The following KIF6 variants were observed in gnomAD, a reference collection of about 807,000 sequenced individuals.
KIF6 encodes kinesin-like protein KIF6.
Under a neutral mutation model 112.7 loss-of-function variants are expected in KIF6, and 106 were observed. The ratio of observed to expected loss-of-function variants is 0.94; its 90% CI spans 0.80 to 1.11. The LOEUF (loss-of-function observed/expected upper bound fraction) is 1.11, where lower values mean the gene tolerates loss of function less well. Among genes scored for constraint, KIF6 ranks in the 50% least tolerant of loss-of-function variants. The pLI is 0.00. For missense variants in KIF6, 929 were observed against 964.0 expected, an observed-to-expected ratio of 0.96 and a Z score of 0.48; for synonymous variants, 339 against 339.9, an observed-to-expected ratio of 1.00 and a Z score of 0.03.
intron 3 of KIF6, among the ~76,000 whole-genome samples, chr6:39,693,532 T>C (rs2113810875): frequency 1.3e-5 from 2 of 152,282 alleles, no homozygotes; most frequent in East Asian, 1.9e-4. Context: ...GGGACTACTA[T>C]GAACATCTCT....
chr6:39,428,748 T>C (rs1313764587), intron 14 of KIF6, among the ~76,000 whole-genome samples: 1 of 152,242 alleles, frequency 6.6e-6, no homozygotes, highest in African/African-American at 2.4e-5. Context: ...TTGTAATTTA[T>C]CTGAATGATG....
In KIF6 at chr6:39,714,769, G is replaced by A. The variant is rs780895767; in HGVS notation, c.177-3C>T. 7 of 1,596,102 alleles carry A rather than the reference G, an allele frequency of 4.4e-6. No individual in the cohort carries two copies. The African/African-American group carries it at 9.4e-5, about 21-fold the overall frequency. ...CCTGATCAAAAATTCTTTGAAATCT[G>A]CAATGTGAAAAATAGTAATTATTTA... On this transcript the variant is annotated splice_region_variant and splice_polypyrimidine_tract_variant and intron_variant, in intron 2 of 22. Transcript: ENST00000287152.
intron 19 of KIF6, among the ~76,000 whole-genome samples, chr6:39,349,264 G>A (rs1764026799): frequency 1.3e-5 from 2 of 152,166 alleles, no homozygotes; most frequent in Non-Finnish European, 2.9e-5. Context: ...ATTCTGATGG[G>A]TGGCACAGCA....
intron 11 of KIF6, 55 bp from the exon 12 acceptor site, chr6:39,544,748 T>C: frequency 9.1e-7 from 1 of 1,102,734 alleles, no homozygotes; most frequent in Non-Finnish European, 1.3e-6. Flanking sequence ...ATTTCTTTGT[T>C]TCTTTGACTC....
At chr6:39,643,858 A>T (rs532082460) in intron 3 of KIF6, among the ~76,000 whole-genome samples, 26 of 152,298 alleles carry the variant, frequency 1.7e-4, no homozygotes, top group South Asian at 1.0e-3. Flanking sequence ...GTTTCAAAAG[A>T]CACAATCAAG....
chr6:39,557,738 A>C lies in KIF6; in HGVS notation c.1182-12050T>G, dbSNP rs978311889. Among the ~76,000 whole-genome samples, 59 of 152,200 alleles carry C rather than the reference A, an allele frequency of 3.9e-4. No individual in the cohort carries two copies. The Middle Eastern group carries it at 0.01, about 26-fold the overall frequency. On this transcript the variant is annotated intron_variant, in intron 10 of 22. Coordinates refer to ENST00000287152, the MANE Select transcript of KIF6 (RefSeq NM_145027.6). The stretch of plus-strand genomic sequence containing the variant: ...ATGAACTTTTGTATAGAAAGCCCAT[A>C]GAACCTCTGTTGGAGATGTACACAT...
chr6:39,472,219 C>T (rs1007416402), intron 13 of KIF6, among the ~76,000 whole-genome samples: 1 of 152,192 alleles, frequency 6.6e-6, no homozygotes, highest in African/African-American at 2.4e-5. Flanking sequence ...ACCACCTTAT[C>T]TTCTTTGATA....
intron 15 of KIF6, among the ~76,000 whole-genome samples, chr6:39,410,426 C>G (rs547882603): frequency 3.1e-4 from 47 of 152,290 alleles, no homozygotes; most frequent in African/African-American, 1.1e-3. Context: ...AGAGCCTCAG[C>G]TTACATACCA....
intron 13 of KIF6, among the ~76,000 whole-genome samples, chr6:39,508,411 G>A (rs938748096): frequency 5.3e-5 from 8 of 152,268 alleles, no homozygotes; most frequent in South Asian, 2.1e-4. Flanking sequence ...GCAGGGCGTC[G>A]CCTCACCTGG....
chr6:39,357,668 C>T (rs547484251), intron 18 of KIF6, among the ~76,000 whole-genome samples: 4 of 152,154 alleles, frequency 2.6e-5, no homozygotes, highest in Admixed American at 6.5e-5. Flanking sequence ...AGGCTGGTCT[C>T]GAACTCCTGA....
chr6:39,384,396 T>C (rs1767227976), intron 16 of KIF6, among the ~76,000 whole-genome samples: 2 of 152,162 alleles, frequency 1.3e-5, no homozygotes, highest in Admixed American at 6.5e-5. Context: ...GCAGCCTGGC[T>C]CTTTGTTGAA....
intron 10 of KIF6, among the ~76,000 whole-genome samples, chr6:39,557,235 A>G (rs1779753743): frequency 6.6e-6 from 1 of 152,296 alleles, no homozygotes; most frequent in Admixed American, 6.5e-5. Context: ...ATCCTTTCAT[A>G]TGGAAAACAG....
chr6:39,497,389 G>A (rs929645255), intron 13 of KIF6, among the ~76,000 whole-genome samples: 1 of 152,218 alleles, frequency 6.6e-6, no homozygotes, highest in African/African-American at 2.4e-5. Context: ...CAAGTCTGGG[G>A]AAGGCCGTAA....
At chr6:39,694,229 G>A (rs762427886) in intron 3 of KIF6, among the ~76,000 whole-genome samples, 3 of 151,896 alleles carry the variant, frequency 2.0e-5, no homozygotes, top group Non-Finnish European at 4.4e-5. Flanking sequence ...ATGGGCAAAA[G>A]GTGGAAGCAT....
chr6:39,393,940 G>A (rs935593417), intron 15 of KIF6, among the ~76,000 whole-genome samples: 8 of 152,146 alleles, frequency 5.3e-5, no homozygotes, highest in Non-Finnish European at 7.4e-5. Context: ...AAAAGAATGG[G>A]GTATAAATGA....
At chr6:39,672,902 TC>T (rs1403133911) in intron 3 of KIF6, among the ~76,000 whole-genome samples, 2 of 152,116 alleles carry the variant, frequency 1.3e-5, no homozygotes, top group African/African-American at 4.8e-5. Flanking sequence ...CAAAATTCAG[TC>T]CATAGCAAGT....
chr6:39,703,080 CCA>C lies in KIF6; in HGVS notation c.251+11610_251+11611del, dbSNP rs1491113955. On this transcript the variant is annotated intron_variant, in intron 3 of 22. Coordinates refer to ENST00000287152, the MANE Select transcript of KIF6 (RefSeq NM_145027.6). ...CACCAAGACAAAATCCACCAACCCCCCACCCCCACTCCCGGCCACCAAGACAA... is the reference window on the plus strand; with the variant it reads ...CACCAAGACAAAATCCACCAACCCCCCCCCCACTCCCGGCCACCAAGACAA... Among the ~76,000 whole-genome samples, 16 of 45,088 alleles carry C rather than the reference CCA, an allele frequency of 3.5e-4. 1 individual carries two copies. Among genetic ancestry groups the C allele is most frequent in the Admixed American group, 2.8e-3 (9 of 3,198 alleles). The allele number at this position is 45,088 out of a possible 152,430, so 29.6% of individuals were successfully genotyped here. A position where few individuals can be genotyped will look rare whatever the true frequency, so the allele number is the denominator to read the frequency against.
chr6:39,568,459 A>T lies in KIF6; in HGVS notation c.1181+9597T>A, dbSNP rs1205839678. 2.6e-5 allele frequency among the ~76,000 whole-genome samples: 4 copies of T among 152,170 alleles called. 1 individual carries two copies. Among genetic ancestry groups the T allele is most frequent in the Admixed American group, 6.5e-5 (1 of 15,274 alleles). ...CTGGGTCATAGGAGGGGTTCTGAAT[A>T]GTGAGGTGTGGTTAATATCATTTGA... On this transcript the variant is annotated intron_variant, in intron 10 of 22. Transcript: ENST00000287152.
At chr6:39,468,616 A>G (rs1773939653) in intron 13 of KIF6, among the ~76,000 whole-genome samples, 1 of 152,180 alleles carries the variant, frequency 6.6e-6, no homozygotes, top group Non-Finnish European at 1.5e-5. Context: ...TGTATTCAGT[A>G]AAACTATTCT....
Sources: gnomAD v4.1 joint callset for allele counts (sites outside exome capture counted in the v4.1 genomes callset) on GRCh38, gnomAD v4.1.1 for gene constraint, MANE v1.5 for transcripts, NCBI Gene and HGNC (gene_info 2026-07-23, HGNC 2026-07-21) for gene names.